PPP3CA: variants seen among roughly 807,000 people sequenced by gnomAD.
PPP3CA encodes the protein CAM-PRP catalytic subunit.
PPP3CA carries 14 observed loss-of-function variants against 66.5 expected under a neutral mutation model. That is an observed-to-expected ratio of 0.21 (90% confidence interval 0.14 to 0.33). The LOEUF is 0.33. Ranked by LOEUF, PPP3CA falls within the 10% of genes least tolerant of loss-of-function variation. The pLI is 1.00. For synonymous variants in PPP3CA, 232 were observed against 226.2 expected, an observed-to-expected ratio of 1.03 and a Z score of -0.23; for missense variants, 317 against 639.5, an observed-to-expected ratio of 0.50 and a Z score of 5.44.
At chr4:101,203,418 C>T (rs1457949372) in intron 1 of PPP3CA, among the ~76,000 whole-genome samples, 2 of 152,088 alleles carry the variant, frequency 1.3e-5, no homozygotes, top group African/African-American at 2.4e-5. Flanking sequence ...CCACCTGAAC[C>T]CGGGAGGCGG....
intron 1 of PPP3CA, among the ~76,000 whole-genome samples, chr4:101,335,131 G>C (rs1248419260): frequency 6.6e-6 from 1 of 152,094 alleles, no homozygotes; most frequent in Non-Finnish European, 1.5e-5. Context: ...ATCAGTAGCT[G>C]TTAATACCTC....
At chr4:101,216,717 C>CATTT (rs1725469124) in intron 1 of PPP3CA, among the ~76,000 whole-genome samples, 1 of 151,768 alleles carries the variant, frequency 6.6e-6, no homozygotes, top group South Asian at 2.1e-4. Flanking sequence ...TTTATTTATT[C>CATTT]ATTTATTTAT....
intron 2 of PPP3CA, among the ~76,000 whole-genome samples, chr4:101,175,294 C>G (rs1724023713): frequency 6.6e-6 from 1 of 152,104 alleles, no homozygotes. Flanking sequence ...AGGGGCTGAC[C>G]TGTGGTAGAC....
intron 2 of PPP3CA, among the ~76,000 whole-genome samples, chr4:101,178,860 C>A (rs1379393339): frequency 6.6e-6 from 1 of 152,042 alleles, no homozygotes; most frequent in African/African-American, 2.4e-5. Flanking sequence ...TGTCCTAATT[C>A]CTCAGATTCA....
chr4:101,066,466 G>A (rs897901744), intron 8 of PPP3CA, among the ~76,000 whole-genome samples: 1 of 151,848 alleles, frequency 6.6e-6, no homozygotes, highest in African/African-American at 2.4e-5. Flanking sequence ...CATCACTAAT[G>A]CAAAAAATAA....
At chr4:101,040,671 T>G in intron 10 of PPP3CA, 105 bp from the exon 11 acceptor site, 1 of 855,844 alleles carries the variant, frequency 1.2e-6, no homozygotes, top group Non-Finnish European at 1.7e-6. Context: ...AATCAGTATT[T>G]TTTTTTTTTC....
At chr4:101,294,942 G>A (rs1728151243) in intron 1 of PPP3CA, among the ~76,000 whole-genome samples, 1 of 152,088 alleles carries the variant, frequency 6.6e-6, no homozygotes, top group Non-Finnish European at 1.5e-5. Context: ...TATACACAAG[G>A]TAAAGCTATG....
intron 1 of PPP3CA, among the ~76,000 whole-genome samples, chr4:101,327,230 A>C (rs1729235197): frequency 6.6e-6 from 1 of 152,326 alleles, no homozygotes; most frequent in East Asian, 1.9e-4. Context: ...TCTGTCCAAG[A>C]CAATTGAAGT....
In PPP3CA at chr4:101,346,716, G is replaced by C. The variant is rs1463445771; in HGVS notation, c.58+23C>G. 3.1e-6 allele frequency: 5 copies of C among 1,605,582 alleles called. No individual in the cohort carries two copies. The African/African-American group carries it at 6.7e-5, about 22-fold the overall frequency. On this transcript the variant is annotated intron_variant, in intron 1 of 13. Transcript: ENST00000394854. ...GCGCCTGCGGCACACGGTGCACCCA[G>C]GCCACCGCGGCGCTCCGCTTACCTT...
intron 1 of PPP3CA, among the ~76,000 whole-genome samples, chr4:101,248,926 C>T (rs1203112700): frequency 2.0e-5 from 3 of 151,068 alleles, no homozygotes. Context: ...TTTGGGAGGC[C>T]GAGGCGGGTG....
intron 6 of PPP3CA, among the ~76,000 whole-genome samples, chr4:101,086,826 C>T (rs1729694100): frequency 6.6e-6 from 1 of 152,194 alleles, no homozygotes; most frequent in South Asian, 2.1e-4. Context: ...TTTTCATTTG[C>T]ATTTTCATAT....
chr4:101,079,967 A>G (rs938199374), intron 8 of PPP3CA, among the ~76,000 whole-genome samples: 1 of 152,190 alleles, frequency 6.6e-6, no homozygotes, highest in African/African-American at 2.4e-5. Flanking sequence ...GCAATTAACC[A>G]CAGGAACTCA....
At position 101,196,064 on chromosome 4, in the gene PPP3CA, A is replaced by T. The variant is rs146174889; in HGVS notation, c.111T>A (p.Asn37Lys). 3 of 1,613,902 alleles carry T rather than the reference A, an allele frequency of 1.9e-6. No homozygotes were observed. The highest frequency in any genetic ancestry group is 2.5e-6 in the Non-Finnish European group (3 of 1,179,994). ...HRLTAKEVFD[N>K]DGKPRVDILK... The stretch of plus-strand genomic sequence containing the variant: ...AGATATCCACACGAGGTTTTCCATC[A>T]TTATCAAACACTTCTTTTGCTGTAA... Residue 37 changes from asparagine to lysine, a missense_variant, in exon 2 of 14, where the codon AAT becomes AAA. Asn to Lys is a moderately conservative substitution (Grantham distance 94). Transcript: ENST00000394854.
chr4:101,230,151 C>T (rs1725914057), intron 1 of PPP3CA, among the ~76,000 whole-genome samples: 1 of 151,496 alleles, frequency 6.6e-6, no homozygotes, highest in Non-Finnish European at 1.5e-5. Context: ...CTCAATAATT[C>T]ATAAACCTTA....
At chr4:101,061,362 T>G (rs1423768505) in intron 9 of PPP3CA, among the ~76,000 whole-genome samples, 3 of 152,154 alleles carry the variant, frequency 2.0e-5, no homozygotes, top group East Asian at 3.8e-4. Flanking sequence ...AGCTGATGCT[T>G]ATGATATCTA....
chr4:101,324,220 G>A (rs1282926745), intron 1 of PPP3CA, among the ~76,000 whole-genome samples: 1 of 141,998 alleles, frequency 7.0e-6, no homozygotes, highest in Non-Finnish European at 1.6e-5. Flanking sequence ...AAGGAAGGAA[G>A]GAAAGGAGGG....
At chr4:101,278,781 A>T (rs1428597953) in intron 1 of PPP3CA, among the ~76,000 whole-genome samples, 1 of 152,140 alleles carries the variant, frequency 6.6e-6, no homozygotes, top group East Asian at 1.9e-4. Context: ...TTCATTCTAC[A>T]CATTCACTTT....
At chr4:101,316,102 T>G (rs1291024955) in intron 1 of PPP3CA, among the ~76,000 whole-genome samples, 1 of 151,982 alleles carries the variant, frequency 6.6e-6, no homozygotes, top group Non-Finnish European at 1.5e-5. Flanking sequence ...GGAAAAGAAC[T>G]TATCACACAG....
chr4:101,183,742 T>G (rs1053578513), intron 2 of PPP3CA, among the ~76,000 whole-genome samples: 14 of 152,170 alleles, frequency 9.2e-5, no homozygotes, highest in African/African-American at 3.4e-4. Context: ...ATCCAAGTTT[T>G]TTTATTTGAT....
Sources: gnomAD v4.1 joint callset for allele counts (sites outside exome capture counted in the v4.1 genomes callset) on GRCh38, gnomAD v4.1.1 for gene constraint, MANE v1.5 for transcripts, NCBI Gene and HGNC (gene_info 2026-07-23, HGNC 2026-07-21) for gene names.